Variants in PLXNA1 observed in about 807,000 individuals in gnomAD.
The protein encoded by PLXNA1 is plexin-A1.
In PLXNA1, 77 loss-of-function variants were observed where a neutral mutation model predicts 191.7. The ratio of observed to expected loss-of-function variants is 0.40; its 90% CI spans 0.33 to 0.49. The LOEUF is 0.49. Ranked by LOEUF, PLXNA1 falls within the 20% of genes least tolerant of loss-of-function variation. The probability of loss-of-function intolerance (pLI) is 0.63; values close to 1 mark genes in which losing one functional copy is unlikely to be tolerated. For missense variants in PLXNA1, 2,110 were observed against 2,660.2 expected, an observed-to-expected ratio of 0.79 and a Z score of 4.55; for synonymous variants, 1,137 against 1,156.4, an observed-to-expected ratio of 0.98 and a Z score of 0.34.
In PLXNA1 at chr3:126,989,297, C is replaced by T; in HGVS notation, c.704C>T (p.Thr235Met). Residue 235 changes from threonine (T) to methionine (M), a missense_variant, in exon 2 of 32, where the codon ACG (threonine) becomes ATG (methionine). By Grantham distance (81) the Thr-to-Met change is moderately conservative (BLOSUM62 -1). Coordinates refer to ENST00000393409, the MANE Select transcript of PLXNA1 (RefSeq NM_032242.4). ...VSSQLKIPSD[T>M]LSKFPAFDIY... ...TCACAGCTCAAGATCCCTTCGGACA[C>T]GCTGTCCAAGTTCCCGGCCTTTGAC... 3 of 1,613,714 alleles carry T rather than the reference C, an allele frequency of 1.9e-6. No individual in the cohort carries two copies. The highest frequency in any genetic ancestry group is 2.5e-6 in the Non-Finnish European group (3 of 1,180,048).
At position 127,022,788 on chromosome 3, in the gene PLXNA1, G is replaced by C; in HGVS notation, c.4332G>C (p.Trp1444Cys). The change falls in exon 23 of 32, where the codon TGG (tryptophan) becomes TGC (cysteine). Residue 1444 changes from tryptophan (W) to cysteine (C), a missense_variant. Trp to Cys is a radical substitution (Grantham distance 215). Transcript: ENST00000393409. ...TGGCAGAGAAGATGCTAACTAACTG[G>C]TTCACCTTCCTCTTGTATAAGTTCC... Reference protein sequence around the residue: ...ESVAEKMLTNWFTFLLYKFLK... With the variant: ...ESVAEKMLTNCFTFLLYKFLK... The C allele has an allele frequency of 6.2e-7, 1 of 1,614,058 alleles. No individual in the cohort carries two copies. The highest frequency in any genetic ancestry group is 8.5e-7 in the Non-Finnish European group (1 of 1,179,992).
intron 19 of PLXNA1, 93 bp downstream of exon 19, chr3:127,017,985 C>T (rs1052857802): frequency 2.7e-5 from 41 of 1,511,330 alleles, no homozygotes; most frequent in African/African-American, 1.1e-4. Flanking sequence ...TGACCTTGCC[C>T]GAGACTCACC....
intron 4 of PLXNA1, among the ~76,000 whole-genome samples, chr3:127,003,994 G>A (rs2079053408): frequency 6.6e-6 from 1 of 152,230 alleles, no homozygotes; most frequent in Non-Finnish European, 1.5e-5. Context: ...CTGCCCTATG[G>A]CCCAACCTGG....
chr3:126,990,231 G>T (rs2078983796), intron 2 of PLXNA1, among the ~76,000 whole-genome samples: 1 of 152,234 alleles, frequency 6.6e-6, no homozygotes, highest in African/African-American at 2.4e-5. Flanking sequence ...AGCCTATCAG[G>T]TGAGCCCAGA....
At chr3:127,021,378 G>T (rs182141024) in intron 21 of PLXNA1, among the ~76,000 whole-genome samples, 31 of 152,348 alleles carry the variant, frequency 2.0e-4, no homozygotes, top group East Asian at 1.7e-3. Context: ...TTGGCTGGGA[G>T]CCTGGTATCA....
intron 10 of PLXNA1, 58 bp downstream of exon 10, chr3:127,012,216 A>C (rs2079099556): frequency 6.5e-6 from 10 of 1,544,318 alleles, no homozygotes; most frequent in Non-Finnish European, 5.3e-6. Flanking sequence ...GGTTATCCTC[A>C]CGGCCCTGGG....
At chr3:126,993,167 G>A (rs1181883058) in intron 3 of PLXNA1, among the ~76,000 whole-genome samples, 1 of 152,164 alleles carries the variant, frequency 6.6e-6, no homozygotes, top group African/African-American at 2.4e-5. Context: ...CAGTTGGCCT[G>A]TCTCCCCTGC....
At chr3:127,015,562 T>A (rs2079118800) in intron 15 of PLXNA1, among the ~76,000 whole-genome samples, 1 of 152,248 alleles carries the variant, frequency 6.6e-6, no homozygotes, top group South Asian at 2.1e-4. Context: ...CTGCCCTGGT[T>A]CTTCCCTGTG....
chr3:127,008,728 C>T (rs1382830979), intron 9 of PLXNA1, among the ~76,000 whole-genome samples: 1 of 152,088 alleles, frequency 6.6e-6, no homozygotes, highest in African/African-American at 2.4e-5. Context: ...CTGGGCTGCA[C>T]TTCCCTGCCA....
chr3:127,030,590 C>T (rs1163391775), intron 29 of PLXNA1, among the ~76,000 whole-genome samples, 178 bp downstream of exon 29: 1 of 152,190 alleles, frequency 6.6e-6, no homozygotes, highest in East Asian at 1.9e-4. Flanking sequence ...TCTGCCTGTG[C>T]CCCTTGACCC....
At chr3:127,005,985 G>C (rs2079066900) in intron 7 of PLXNA1, 94 bp from the exon 8 acceptor site, 1 of 892,676 alleles carries the variant, frequency 1.1e-6, no homozygotes, top group Admixed American at 1.7e-5. Context: ...GCAGCTAGGA[G>C]GGTCTCCGGG....
At chr3:127,012,689 G>A (rs899792798) in intron 10 of PLXNA1, among the ~76,000 whole-genome samples, 3 of 152,252 alleles carry the variant, frequency 2.0e-5, no homozygotes, top group African/African-American at 4.8e-5. Context: ...CCGAGCATGC[G>A]TAGACCTTCA....
At chr3:126,999,549 G>C (rs201322235) in intron 3 of PLXNA1, among the ~76,000 whole-genome samples, 1 of 152,226 alleles carries the variant, frequency 6.6e-6, no homozygotes, top group Non-Finnish European at 1.5e-5. Context: ...ACATAGCCTG[G>C]GTGGCCCAGA....
At chr3:127,029,846 C>T (rs2241676) in intron 27 of PLXNA1, 28 bp from the exon 28 acceptor site, 90,239 of 1,567,450 alleles carry the variant, frequency 0.058, 3,191 homozygotes, top group South Asian at 0.13. Flanking sequence ...TGCCAGCCAA[C>T]GCGGGCGCTG....
At chr3:127,028,941 G>T (rs2079191080) in intron 25 of PLXNA1, 52 bp from the exon 26 acceptor site, 1 of 1,424,542 alleles carries the variant, frequency 7.0e-7, no homozygotes. Context: ...CTGTGATGGA[G>T]GAGGGAAAGA....
Position 127,030,281 on chromosome 3 carries a change from C to T in PLXNA1, c.5100C>T (p.Thr1700=), listed in dbSNP as rs749354943. The T allele has an allele frequency of 6.2e-7, 1 of 1,613,902 alleles. No homozygotes were observed. The highest frequency in any genetic ancestry group is 2.2e-5 in the East Asian group (1 of 44,878). ...AGTTTGTGGACGACCTGTTTGAGAC[C>T]ATCTTCAGCACGGCACACCGGGGCT... ...LQKFVDDLFE[T]IFSTAHRGSA... Residue 1700 remains threonine (T), a synonymous_variant, in exon 29 of 32, where the codon ACC becomes ACT. Transcript: ENST00000393409.
intron 27 of PLXNA1, 47 bp from the exon 28 acceptor site, chr3:127,029,827 G>A (rs1231010761): frequency 5.0e-5 from 75 of 1,514,860 alleles, no homozygotes; most frequent in Non-Finnish European, 6.4e-5. Flanking sequence ...TCGGGCGGGG[G>A]GTGCGGGGTG....
chr3:127,014,265 G>T lies in PLXNA1; in HGVS notation c.2494G>T (p.Val832Leu). Reference sequence around the variant, plus strand: ...CCCGCGCTTCGAGTGCGGATGGTGCGTGGCCGAGCGCCGCTGCTCCCTGCG... The same window carrying T: ...CCCGCGCTTCGAGTGCGGATGGTGCTTGGCCGAGCGCCGCTGCTCCCTGCG... ...ADPRFECGWCVAERRCSLRHH... is the reference protein window; with the variant it reads ...ADPRFECGWCLAERRCSLRHH... The change falls in exon 12 of 32, where the codon GTG (valine) becomes TTG (leucine). Residue 832 changes from valine (V) to leucine (L), a missense_variant. This residue lies in a region of PLXNA1 where 644 missense variants were observed against 714.3 expected (regional missense o/e 0.90). Coordinates refer to ENST00000393409, the MANE Select transcript of PLXNA1 (RefSeq NM_032242.4). The T allele has an allele frequency of 1.3e-6, 2 of 1,597,262 alleles. No individual in the cohort carries two copies. The highest frequency in any genetic ancestry group is 1.1e-5 in the South Asian group (1 of 89,758).
chr3:127,024,791 C>T lies in PLXNA1; in HGVS notation c.4362+1973C>T, dbSNP rs192730371. Among the ~76,000 whole-genome samples the T allele has an allele frequency of 1.2e-3, 184 of 152,262 alleles. 1 individual carries two copies. Among genetic ancestry groups the T allele is most frequent in the African/African-American group, 4.1e-3 (172 of 41,538 alleles). ...CGCAGACAGACATGCTGGAGCTGGG[C>T]GCCCCCTGGATGGGACTGAGATGGG... is the stretch of plus-strand genomic sequence containing the variant. On this transcript the variant is annotated intron_variant, in intron 23 of 31. Coordinates refer to ENST00000393409, the MANE Select transcript of PLXNA1 (RefSeq NM_032242.4).
Sources: allele counts gnomAD v4.1 joint callset (sites outside exome capture counted in the v4.1 genomes callset), GRCh38; gene constraint gnomAD v4.1.1; regional missense constraint gnomAD v4.1.1; transcripts MANE v1.5; gene names NCBI Gene and HGNC (gene_info 2026-07-23, HGNC 2026-07-21).